Variants in SIK3 observed in about 807,000 individuals in gnomAD.
SIK3 encodes SIK family kinase 3, also known as serine/threonine-protein kinase SIK3.
Under a neutral mutation model 144.2 loss-of-function variants are expected in SIK3, and 28 were observed. That is an observed-to-expected ratio of 0.19 (90% CI 0.14 to 0.27). The LOEUF is 0.27. Ranked by LOEUF, SIK3 falls within the 10% of genes least tolerant of loss-of-function variation. SIK3 has a pLI of 1.00. For missense variants in SIK3, 1,319 were observed against 1,776.0 expected (o/e 0.74, Z 4.62); for synonymous variants, 686 against 676.3 (o/e 1.01, Z -0.22).
At chr11:117,010,738 A>T (rs1951216886) in intron 1 of SIK3, among the ~76,000 whole-genome samples, 1 of 152,198 alleles carries the variant, frequency 6.6e-6, no homozygotes, top group Non-Finnish European at 1.5e-5. Flanking sequence ...TCAGTCCACC[A>T]AAAAATAATT....
At chr11:117,057,694 T>A (rs554854002) in intron 1 of SIK3, among the ~76,000 whole-genome samples, 1 of 152,334 alleles carries the variant, frequency 6.6e-6, no homozygotes, top group East Asian at 1.9e-4. Flanking sequence ...ACGTGGGCAC[T>A]GGGGTCTGCC....
intron 3 of SIK3, among the ~76,000 whole-genome samples, chr11:116,949,230 GA>G (rs905681812): frequency 1.8e-4 from 28 of 152,212 alleles, no homozygotes; most frequent in African/African-American, 6.8e-4. Flanking sequence ...TTCTTCTAGT[GA>G]AGTTTATTTC....
intron 1 of SIK3, among the ~76,000 whole-genome samples, chr11:116,996,819 C>CAAAA (rs11329513): frequency 0.013 from 749 of 58,388 alleles, 52 homozygotes; most frequent in African/African-American, 0.027. Context: ...GACTCTCTCT[C>CAAAA]AAAAAAAAAA....
chr11:116,917,944 A>G (rs1946755639), intron 4 of SIK3, among the ~76,000 whole-genome samples: 1 of 152,140 alleles, frequency 6.6e-6, no homozygotes, highest in South Asian at 2.1e-4. Context: ...GATTTTTCAA[A>G]GCTGTCATTT....
intron 1 of SIK3, among the ~76,000 whole-genome samples, chr11:117,056,307 T>C (rs1379394917): frequency 1.3e-5 from 2 of 151,972 alleles, no homozygotes; most frequent in Admixed American, 6.6e-5. Context: ...TTCTCACTCA[T>C]AGGTGGGAAC....
At chr11:116,934,052 T>C (rs750689508) in intron 3 of SIK3, among the ~76,000 whole-genome samples, 2 of 152,240 alleles carry the variant, frequency 1.3e-5, no homozygotes, top group African/African-American at 2.4e-5. Context: ...CCTATCTCTA[T>C]TGTCAGCTTA....
intron 3 of SIK3, among the ~76,000 whole-genome samples, chr11:116,948,896 T>C (rs547082530): frequency 5.3e-5 from 8 of 151,618 alleles, no homozygotes; most frequent in African/African-American, 9.7e-5. Context: ...AATTATGAAA[T>C]AGAGGATAGA....
intron 21 of SIK3, among the ~76,000 whole-genome samples, chr11:116,852,355 G>A (rs1221639657): frequency 6.6e-6 from 1 of 152,228 alleles, no homozygotes; most frequent in Non-Finnish European, 1.5e-5. Context: ...GACAGAGCAA[G>A]CAACCACCTG....
chr11:117,017,517 A>C (rs1366553959), intron 1 of SIK3, among the ~76,000 whole-genome samples: 1 of 116,306 alleles, frequency 8.6e-6, no homozygotes, highest in Non-Finnish European at 2.3e-5. Context: ...GTAAACATTC[A>C]ATAAAACAAA....
intron 1 of SIK3, among the ~76,000 whole-genome samples, chr11:117,061,160 T>C (rs1051997368): frequency 6.6e-5 from 10 of 152,136 alleles, no homozygotes; most frequent in East Asian, 1.9e-4. Flanking sequence ...GGCAGGAAGA[T>C]GGCTTGAGCC....
intron 3 of SIK3, among the ~76,000 whole-genome samples, chr11:116,941,291 C>T (rs1312927339): frequency 6.6e-6 from 1 of 152,042 alleles, no homozygotes; most frequent in African/African-American, 2.4e-5. Context: ...CAGGCGTGAG[C>T]CACCGCGCCT....
intron 3 of SIK3, among the ~76,000 whole-genome samples, chr11:116,948,017 C>G (rs1212005232): frequency 6.6e-6 from 1 of 151,276 alleles, no homozygotes; most frequent in Non-Finnish European, 1.5e-5. Context: ...TCACTGCAAC[C>G]TCCACCTCCT....
chr11:116,863,330 AACCTCT>A (rs1565377934), intron 16 of SIK3, among the ~76,000 whole-genome samples: 1 of 152,122 alleles, frequency 6.6e-6, no homozygotes, highest in Non-Finnish European at 1.5e-5. Context: ...AGCTTACTAC[AACCTCT>A]ACCTCCCAGG....
chr11:116,902,615 G>T (rs1945797985), intron 4 of SIK3, among the ~76,000 whole-genome samples: 1 of 152,170 alleles, frequency 6.6e-6, no homozygotes, highest in African/African-American at 2.4e-5. Flanking sequence ...CCAAATGCAA[G>T]ATTTCTGTAA....
At chr11:116,911,729 TTTTTA>T (rs1315291806) in intron 4 of SIK3, among the ~76,000 whole-genome samples, 1 of 152,178 alleles carries the variant, frequency 6.6e-6, no homozygotes, top group Non-Finnish European at 1.5e-5. Flanking sequence ...ATAACTAAAA[TTTTTA>T]TTTTAAGTAT....
Position 117,086,690 on chromosome 11 carries a change from C to T in SIK3, c.273+11453G>A, listed in dbSNP as rs1352530765. On this transcript the variant is annotated intron_variant, in intron 1 of 24. Transcript: ENST00000445177. ...TGGGTGACAGAGTGAGACTCCGTCT[C>T]AAAAAAAAAAAAAGTCAGTGGAGAG... Among the ~76,000 whole-genome samples the T allele has an allele frequency of 2.4e-5, 3 of 125,626 alleles. No homozygotes were observed. In the East Asian group the frequency reaches 7.0e-4, roughly 29 times the overall value. The allele number at this position is 125,626 out of a possible 152,430, so 82.4% of individuals were successfully genotyped here. A position where few individuals can be genotyped will look rare whatever the true frequency, so the allele number is the denominator to read the frequency against.
chr11:116,871,520 A>G (rs1943969941), intron 13 of SIK3, among the ~76,000 whole-genome samples: 2 of 152,328 alleles, frequency 1.3e-5, no homozygotes, highest in South Asian at 4.1e-4. Flanking sequence ...AAGCAGGGGC[A>G]TGATGTTATA....
intron 7 of SIK3, 105 bp from the exon 8 acceptor site, chr11:116,876,468 A>G (rs1944261126): frequency 1.1e-6 from 1 of 935,412 alleles, no homozygotes; most frequent in East Asian, 2.5e-5. Context: ...GGCTTGGGAT[A>G]TTTTTGGCCT....
intron 4 of SIK3, among the ~76,000 whole-genome samples, chr11:116,919,460 A>C (rs1398610285): frequency 6.6e-6 from 1 of 152,180 alleles, no homozygotes; most frequent in Non-Finnish European, 1.5e-5. Context: ...CAATAACACG[A>C]GAGTGGAAAC....
Sources: allele counts gnomAD v4.1 joint callset (sites outside exome capture counted in the v4.1 genomes callset), GRCh38; gene constraint gnomAD v4.1.1; transcripts MANE v1.5; gene names NCBI Gene and HGNC (gene_info 2026-07-23, HGNC 2026-07-21).